The following CDK13 variants were observed in gnomAD, a reference collection of about 807,000 sequenced individuals.
CDK13 encodes the protein cyclin-dependent kinase 13.
Under a neutral mutation model 137.6 loss-of-function variants are expected in CDK13, and 40 were observed. The observed-to-expected ratio is 0.29, with a 90% CI of 0.23 to 0.38. CDK13 has a LOEUF of 0.38. CDK13 is among the 10% of genes least tolerant of loss of function. The pLI, the probability that CDK13 is intolerant of heterozygous loss-of-function variation, is 1.00. For synonymous variants in CDK13, 869 were observed against 760.1 expected, an observed-to-expected ratio of 1.14 and a Z score of -2.36; for missense variants, 1,704 against 1,951.8, an observed-to-expected ratio of 0.87 and a Z score of 2.39.
At chr7:40,053,521 G>T (rs989642341) in intron 7 of CDK13, among the ~76,000 whole-genome samples, 2 of 152,064 alleles carry the variant, frequency 1.3e-5, no homozygotes, top group African/African-American at 4.8e-5. Flanking sequence ...CTGTGCTCTT[G>T]AATGCCTTTG....
chr7:40,003,196 A>T (rs868233636), intron 5 of CDK13, among the ~76,000 whole-genome samples: 1,998 of 107,154 alleles, frequency 0.019, 21 homozygotes, highest in South Asian at 0.031. Flanking sequence ...ACACACACAC[A>T]CACACACACA....
Position 40,021,153 on chromosome 7 carries a change from A to ACACACACAC in CDK13, c.2353+19122_2353+19123insCACACACAC, listed in dbSNP as rs781461656. ...CACACACACACACACACACACACAT[A>ACACACACAC]AAGTTTTAAGTCTGAAATTCCCAAA... On this transcript the variant is annotated intron_variant, in intron 5 of 13. Coordinates refer to ENST00000181839, the MANE Select transcript of CDK13 (RefSeq NM_003718.5). 1.7e-4 allele frequency among the ~76,000 whole-genome samples: 25 copies of ACACACACAC among 151,108 alleles called. 1 individual carries two copies. The highest frequency in any genetic ancestry group is 2.7e-4 in the Non-Finnish European group (18 of 67,758).
chr7:39,957,664 A>G (rs1787460199), intron 1 of CDK13, among the ~76,000 whole-genome samples: 1 of 152,200 alleles, frequency 6.6e-6, no homozygotes. Flanking sequence ...GCTGGGAGTC[A>G]CTTTAGTGTG....
intron 5 of CDK13, among the ~76,000 whole-genome samples, chr7:40,043,095 T>C (rs1785650895): frequency 6.6e-6 from 1 of 151,904 alleles, no homozygotes; most frequent in African/African-American, 2.4e-5. Context: ...GCCTTTTATC[T>C]CTCTTCCATA....
At chr7:40,033,608 T>C (rs1309422175) in intron 5 of CDK13, among the ~76,000 whole-genome samples, 2 of 152,176 alleles carry the variant, frequency 1.3e-5, no homozygotes, top group Non-Finnish European at 2.9e-5. Flanking sequence ...TTTCCTCTAG[T>C]GTTCATGTTT....
intron 5 of CDK13, among the ~76,000 whole-genome samples, chr7:40,030,294 A>AGAG (rs1785347852): frequency 6.7e-6 from 1 of 149,878 alleles, no homozygotes; most frequent in African/African-American, 2.5e-5. Flanking sequence ...GAGAGAGAGA[A>AGAG]AGTCATTCAG....
intron 1 of CDK13, among the ~76,000 whole-genome samples, chr7:39,974,455 A>T (rs905890672): frequency 6.6e-6 from 1 of 151,886 alleles, no homozygotes; most frequent in Non-Finnish European, 1.5e-5. Flanking sequence ...AATATTTTTT[A>T]GTGTGTTTTG....
intron 1 of CDK13, among the ~76,000 whole-genome samples, chr7:39,978,961 C>CT (rs1199549937): frequency 6.6e-6 from 1 of 151,992 alleles, no homozygotes; most frequent in Non-Finnish European, 1.5e-5. Flanking sequence ...GCCTGGTAGT[C>CT]TTTGTTTTTT....
At chr7:39,969,893 T>TA (rs1783958981) in intron 1 of CDK13, among the ~76,000 whole-genome samples, 2 of 152,190 alleles carry the variant, frequency 1.3e-5, no homozygotes, top group Admixed American at 6.5e-5. Flanking sequence ...ATATGCTAGA[T>TA]ACAAATAAAT....
intron 1 of CDK13, among the ~76,000 whole-genome samples, chr7:39,977,463 A>C (rs1030889219): frequency 9.2e-5 from 14 of 152,206 alleles, no homozygotes; most frequent in Non-Finnish European, 1.6e-4. Context: ...TTATTCTGAG[A>C]TATAAACAGA....
In CDK13 at chr7:39,950,616, C is replaced by T. The variant is rs1406006395; in HGVS notation, c.-26C>T. ...GACCCGGGAGGAGGCCGCACCCGCG[C>T]CGCGCTCTGCGGCTGGCTCTAGGCG... is the stretch of plus-strand genomic sequence containing the variant. On this transcript the variant is annotated 5_prime_UTR_variant, in exon 1 of 14. Transcript: ENST00000181839. 18 of 1,290,352 alleles carry T rather than the reference C, an allele frequency of 1.4e-5. No homozygotes were observed. The highest frequency in any genetic ancestry group is 1.7e-5 in the Non-Finnish European group (17 of 1,019,466). 79.9% of individuals were successfully genotyped at this position (1,290,352 alleles called of 1,614,324 possible). A position where few individuals can be genotyped will look rare whatever the true frequency, so the allele number is the denominator to read the frequency against.
At chr7:40,027,876 G>C (rs574263532) in intron 5 of CDK13, among the ~76,000 whole-genome samples, 4 of 152,106 alleles carry the variant, frequency 2.6e-5, no homozygotes, top group African/African-American at 9.6e-5. Flanking sequence ...CTTGAGACAG[G>C]ATAGGTTCTG....
At chr7:39,970,551 C>T (rs1392989075) in intron 1 of CDK13, among the ~76,000 whole-genome samples, 2 of 151,778 alleles carry the variant, frequency 1.3e-5, no homozygotes, top group Non-Finnish European at 2.9e-5. Flanking sequence ...ACCTCCGCCT[C>T]CCAGGTTCAA....
At chr7:39,960,361 T>C (rs1349244283) in intron 1 of CDK13, among the ~76,000 whole-genome samples, 1 of 151,456 alleles carries the variant, frequency 6.6e-6, no homozygotes, top group East Asian at 1.9e-4. Flanking sequence ...GTTCACACTA[T>C]TCTCCTGCCT....
intron 2 of CDK13, among the ~76,000 whole-genome samples, chr7:39,994,314 C>G (rs1298431875): frequency 1.3e-5 from 2 of 152,080 alleles, no homozygotes; most frequent in African/African-American, 4.8e-5. Context: ...AAGAAGTGTT[C>G]TGATTCTTCA....
At chr7:39,952,017 C>T in intron 1 of CDK13, 165 bp downstream of exon 1, 2 of 652,698 alleles carry the variant, frequency 3.1e-6, no homozygotes, top group Non-Finnish European at 2.2e-6. Context: ...GCGCGCGTGA[C>T]ACTTTTTTAG....
chr7:39,959,265 G>T (rs1188327664), intron 1 of CDK13, among the ~76,000 whole-genome samples: 2 of 151,520 alleles, frequency 1.3e-5, no homozygotes, highest in Non-Finnish European at 2.9e-5. Flanking sequence ...GGGTTCAAGC[G>T]ATTCTCCTTC....
At chr7:40,028,979 A>G (rs1785306233) in intron 5 of CDK13, among the ~76,000 whole-genome samples, 1 of 152,174 alleles carries the variant, frequency 6.6e-6, no homozygotes, top group South Asian at 2.1e-4. Context: ...AATATATTAG[A>G]TATATGGTTG....
In CDK13 at chr7:40,017,263, C is replaced by T. The variant is rs543366560; in HGVS notation, c.2353+15232C>T. ...CTTCCAACAGTGCTTTACCAAACAT[C>T]GTTAAGTGTAAATCTATGTGTATTT... On this transcript the variant is annotated intron_variant, in intron 5 of 13. Coordinates refer to ENST00000181839, the MANE Select transcript of CDK13 (RefSeq NM_003718.5). 8.5e-5 allele frequency among the ~76,000 whole-genome samples: 13 copies of T among 152,134 alleles called. No homozygotes were observed. In the East Asian group the frequency reaches 2.5e-3, roughly 29 times the overall value.
Sources: allele counts gnomAD v4.1 joint callset (sites outside exome capture counted in the v4.1 genomes callset), GRCh38; gene constraint gnomAD v4.1.1; transcripts MANE v1.5; gene names NCBI Gene and HGNC (gene_info 2026-07-23, HGNC 2026-07-21).